The following SIPA1L1 variants were observed in gnomAD, a reference collection of about 807,000 sequenced individuals.
SIPA1L1 encodes the protein signal-induced proliferation-associated 1-like protein 1.
Under a neutral mutation model 162.7 loss-of-function variants are expected in SIPA1L1, and 26 were observed. The ratio of observed to expected loss-of-function variants is 0.16; its 90% CI spans 0.12 to 0.22. SIPA1L1 has a LOEUF of 0.22. Ranked by LOEUF, SIPA1L1 falls within the 10% of genes least tolerant of loss-of-function variation. The pLI is 1.00. For synonymous variants in SIPA1L1, 829 were observed against 837.4 expected (o/e 0.99, Z 0.17); for missense variants, 1,874 against 2,241.0 (o/e 0.84, Z 3.31).
chr14:71,382,117 T>C (rs2039954904), intron 2 of SIPA1L1, among the ~76,000 whole-genome samples: 2 of 152,220 alleles, frequency 1.3e-5, no homozygotes, highest in African/African-American at 2.4e-5. Flanking sequence ...TTCTGCTAAT[T>C]AAAGTTTAGA....
At chr14:71,511,840 G>A (rs1196611458) in intron 2 of SIPA1L1, among the ~76,000 whole-genome samples, 1 of 152,184 alleles carries the variant, frequency 6.6e-6, no homozygotes, top group East Asian at 1.9e-4. Context: ...GAGGTTTAGA[G>A]AGTTTTCCAG....
At chr14:71,347,509 A>G (rs1334019200) in intron 2 of SIPA1L1, among the ~76,000 whole-genome samples, 1 of 152,172 alleles carries the variant, frequency 6.6e-6, no homozygotes, top group Admixed American at 6.5e-5. Flanking sequence ...ATATATACCT[A>G]GGAGTTGAAT....
At chr14:71,684,449 G>A (rs2149547649) in intron 12 of SIPA1L1, among the ~76,000 whole-genome samples, 2 of 152,342 alleles carry the variant, frequency 1.3e-5, no homozygotes, top group South Asian at 4.1e-4. Context: ...CAGGCCTTTG[G>A]CCGGACGCCC....
intron 2 of SIPA1L1, among the ~76,000 whole-genome samples, chr14:71,325,710 G>T (rs1484427674): frequency 6.6e-6 from 1 of 152,208 alleles, no homozygotes; most frequent in Non-Finnish European, 1.5e-5. Context: ...TAGTGCATTG[G>T]TGGGTGTGCC....
At position 71,334,769 on chromosome 14, in the gene SIPA1L1, A is replaced by C. The variant is rs982084872; in HGVS notation, c.-465+13588A>C. Among the ~76,000 whole-genome samples, 24 of 151,990 alleles carry C rather than the reference A, an allele frequency of 1.6e-4. 1 individual carries two copies. The highest frequency in any genetic ancestry group is 1.6e-3 in the Admixed American group (24 of 15,256). On this transcript the variant is annotated intron_variant, in intron 2 of 23. Transcript: ENST00000381232. ...TTGATTCAGAAAACTTATATATTCT[A>C]GTTTTTTTGACTGCTTTACTTTTTT...
At chr14:71,459,596 T>C (rs2046439268) in intron 2 of SIPA1L1, among the ~76,000 whole-genome samples, 1 of 152,264 alleles carries the variant, frequency 6.6e-6, no homozygotes, top group East Asian at 1.9e-4. Flanking sequence ...TGGAGTCTGA[T>C]GTTCAAGGGC....
At chr14:71,538,090 C>T (rs10220639) in intron 4 of SIPA1L1, among the ~76,000 whole-genome samples, 4,679 of 152,256 alleles carry the variant, frequency 0.031, 252 homozygotes, top group African/African-American at 0.11. Flanking sequence ...ATGAATTCCT[C>T]CTTCATCAGT....
At chr14:71,678,409 T>C (rs1333216560) in intron 12 of SIPA1L1, among the ~76,000 whole-genome samples, 1 of 152,116 alleles carries the variant, frequency 6.6e-6, no homozygotes, top group Non-Finnish European at 1.5e-5. Context: ...CATGTGGTTT[T>C]TGTCTTTCAT....
chr14:71,564,457 A>G (rs1476250588), intron 4 of SIPA1L1, among the ~76,000 whole-genome samples: 3 of 111,108 alleles, frequency 2.7e-5, no homozygotes, highest in African/African-American at 1.1e-4. Context: ...CTCTTCCTTG[A>G]TGTCCTGACT....
At chr14:71,716,275 T>A (rs957172421) in intron 17 of SIPA1L1, among the ~76,000 whole-genome samples, 1 of 152,180 alleles carries the variant, frequency 6.6e-6, no homozygotes, top group Non-Finnish European at 1.5e-5. Flanking sequence ...TCCTCCACAT[T>A]ATCTGTCACC....
intron 2 of SIPA1L1, among the ~76,000 whole-genome samples, chr14:71,471,005 T>G (rs535232690): frequency 1.6e-4 from 24 of 151,724 alleles, no homozygotes; most frequent in African/African-American, 5.6e-4. Context: ...ACCCAGCAAA[T>G]TTTTTGTATT....
At chr14:71,533,926 CAA>C (rs75278126) in intron 4 of SIPA1L1, among the ~76,000 whole-genome samples, 17,105 of 151,904 alleles carry the variant, frequency 0.11, 1,387 homozygotes, top group East Asian at 0.41. Flanking sequence ...GCTGTGTTTA[CAA>C]AGAGTGCCAG....
chr14:71,399,921 A>G (rs952237992), intron 2 of SIPA1L1, among the ~76,000 whole-genome samples: 7 of 152,028 alleles, frequency 4.6e-5, no homozygotes, highest in Admixed American at 3.3e-4. Context: ...GGGTTTTGCC[A>G]TGTTGGCTAG....
rs1456801579 is a variant in SIPA1L1, at chr14:71,546,664, C to CT, written c.-303+17300dup. 4.6e-5 allele frequency among the ~76,000 whole-genome samples: 7 copies of CT among 152,146 alleles called. No individual in the cohort carries two copies. In the East Asian group the frequency reaches 1.4e-3, roughly 29 times the overall value. Reference sequence around the variant, plus strand: ...GCATTCATTTGCTTTTAATGAATTCCTTTTTTAATGAATTCTTATTTATCA... The same window carrying CT: ...GCATTCATTTGCTTTTAATGAATTCCTTTTTTTAATGAATTCTTATTTATCA... On this transcript the variant is annotated intron_variant, in intron 4 of 23. Transcript: ENST00000381232.
chr14:71,402,128 T>TAAAAA (rs574604934), intron 2 of SIPA1L1, among the ~76,000 whole-genome samples: 1 of 148,012 alleles, frequency 6.8e-6, no homozygotes, highest in Non-Finnish European at 1.5e-5. Context: ...TTTTCTCAAA[T>TAAAAA]AAAAAAAAAA....
At chr14:71,376,742 T>C (rs1160394771) in intron 2 of SIPA1L1, among the ~76,000 whole-genome samples, 2 of 152,076 alleles carry the variant, frequency 1.3e-5, no homozygotes, top group African/African-American at 4.8e-5. Flanking sequence ...CCCTGGGTAC[T>C]TGAGATTAGG....
chr14:71,618,620 A>G, intron 5 of SIPA1L1, 137 bp from the exon 6 acceptor site: 2 of 753,584 alleles, frequency 2.7e-6, no homozygotes, highest in East Asian at 2.9e-5. Context: ...AACTAACTGA[A>G]GAATATTAAT....
intron 2 of SIPA1L1, among the ~76,000 whole-genome samples, chr14:71,419,291 C>T (rs1334728490): frequency 2.0e-5 from 3 of 151,240 alleles, no homozygotes; most frequent in East Asian, 1.9e-4. Flanking sequence ...TGTCTGCTAC[C>T]GACCAGTGTT....
chr14:71,412,604 G>A (rs900701831), intron 2 of SIPA1L1, among the ~76,000 whole-genome samples: 11 of 152,154 alleles, frequency 7.2e-5, no homozygotes, highest in Non-Finnish European at 1.3e-4. Flanking sequence ...TGAATAAAAG[G>A]TGGGAGGCCT....
Sources: gnomAD v4.1 joint callset for allele counts (sites outside exome capture counted in the v4.1 genomes callset) on GRCh38, gnomAD v4.1.1 for gene constraint, MANE v1.5 for transcripts, NCBI Gene and HGNC (gene_info 2026-07-23, HGNC 2026-07-21) for gene names.